Variants in BCL2 observed in about 807,000 individuals in gnomAD.
BCL2 encodes apoptosis regulator Bcl-2.
Under a neutral mutation model 14.2 loss-of-function variants are expected in BCL2, and 1 was observed. The ratio of observed to expected loss-of-function variants is 0.07; its 90% CI spans 0.02 to 0.33. BCL2 has a LOEUF of 0.33. BCL2 is among the 10% of genes least tolerant of loss of function. The pLI, the probability that BCL2 is intolerant of heterozygous loss-of-function variation, is 0.99. For synonymous variants in BCL2, 151 were observed against 137.2 expected (o/e 1.10, Z -0.70); for missense variants, 247 against 305.9 (o/e 0.81, Z 1.44).
At chr18:63,308,502 A>T (rs562888463) in intron 2 of BCL2, among the ~76,000 whole-genome samples, 1 of 152,342 alleles carries the variant, frequency 6.6e-6, no homozygotes, top group East Asian at 1.9e-4. Flanking sequence ...AGGCATATGT[A>T]CATACACTGT....
At chr18:63,186,564 A>G (rs1456059139) in intron 2 of BCL2, among the ~76,000 whole-genome samples, 2 of 152,228 alleles carry the variant, frequency 1.3e-5, no homozygotes, top group African/African-American at 4.8e-5. Context: ...TTGAACCAGA[A>G]TAGGTCTGTG....
chr18:63,242,320 A>G (rs980980809), intron 2 of BCL2, among the ~76,000 whole-genome samples: 4 of 152,226 alleles, frequency 2.6e-5, no homozygotes, highest in East Asian at 1.9e-4. Context: ...TCTGACTTCA[A>G]TGTCACTTGA....
intron 2 of BCL2, among the ~76,000 whole-genome samples, chr18:63,192,510 C>T (rs1338703883): frequency 6.6e-6 from 1 of 152,172 alleles, no homozygotes; most frequent in African/African-American, 2.4e-5. Flanking sequence ...ATGGCCCATA[C>T]ATCTTTTCCA....
rs968942627 is a variant in BCL2 at position 63,127,032 on chromosome 18, TG to T, written c.*1592del. On this transcript the variant is annotated 3_prime_UTR_variant, in exon 3 of 3. Coordinates refer to ENST00000333681, the MANE Select transcript of BCL2 (RefSeq NM_000633.3). The stretch of plus-strand genomic sequence containing the variant: ...TTACTTCTTTATAGTTCCCCACCAT[TG>T]ATTTTTTTTTTAATGCCCCAGGATG... The T allele has an allele frequency of 4.5e-6, 1 of 220,958 alleles. No individual in the cohort carries two copies. Among genetic ancestry groups the T allele is most frequent in the African/African-American group, 2.5e-5 (1 of 39,578 alleles). The allele number at this position is 220,958 out of a possible 1,614,324, so 13.7% of individuals were successfully genotyped here.
In BCL2 at chr18:63,318,770, T is replaced by C; in HGVS notation, c.-104A>G. 6.5e-7 allele frequency: 1 copy of C among 1,529,906 alleles called. No homozygotes were observed. Among genetic ancestry groups the C allele is most frequent in the Non-Finnish European group, 8.8e-7 (1 of 1,141,370 alleles). 94.8% of individuals were successfully genotyped at this position (1,529,906 alleles called of 1,614,324 possible). A position where few individuals can be genotyped will look rare whatever the true frequency, so the allele number is the denominator to read the frequency against. ...AGGAGTTATAATCCAGCTATTTTATTGGATGTGCTTTGCATTCTTGGACGA... is the reference window on the plus strand; with the variant it reads ...AGGAGTTATAATCCAGCTATTTTATCGGATGTGCTTTGCATTCTTGGACGA... On this transcript the variant is annotated 5_prime_UTR_variant, in exon 2 of 3. Transcript: ENST00000333681. The surrounding 1 kb of genome is among the most constrained non-coding windows in gnomAD (Gnocchi z 7.4).
chr18:63,199,234 C>A (rs1284337873), intron 2 of BCL2, among the ~76,000 whole-genome samples: 1 of 148,946 alleles, frequency 6.7e-6, no homozygotes, highest in Non-Finnish European at 1.5e-5. Context: ...CTACACAACA[C>A]ATGCACACAG....
chr18:63,168,998 T>C (rs111260383), intron 2 of BCL2, among the ~76,000 whole-genome samples: 3,683 of 152,342 alleles, frequency 0.024, 71 homozygotes, highest in Non-Finnish European at 0.037. Context: ...AGCTGCTTAT[T>C]GGCCTAACAG....
chr18:63,137,557 C>T (rs1450889283), intron 2 of BCL2, among the ~76,000 whole-genome samples: 1 of 151,542 alleles, frequency 6.6e-6, no homozygotes. Context: ...AAATTCAGTG[C>T]TTTTTTTTTC....
In BCL2 at chr18:63,318,460, G is replaced by A. The variant is rs1913576372; in HGVS notation, c.207C>T (p.Thr69=). The A allele has an allele frequency of 1.4e-6, 2 of 1,471,552 alleles. No individual in the cohort carries two copies. The highest frequency in any genetic ancestry group is 2.9e-5 in the African/African-American group (2 of 68,162). 91.2% of individuals were successfully genotyped at this position (1,471,552 alleles called of 1,614,324 possible). Residue 69 remains threonine, a synonymous_variant, in exon 2 of 3, where the codon ACC becomes ACT. Transcript: ENST00000333681. This position sits in a 1 kb window ranked among gnomAD's most constrained non-coding sequence, Gnocchi z 7.4. ...PAASRDPVAR[T]SPLQTPAAPG... ...GGGCAGCCGGGGTCTGCAGCGGCGA[G>A]GTCCTGGCGACCGGGTCCCGGGATG...
chr18:63,223,158 T>G (rs1208849892), intron 2 of BCL2, among the ~76,000 whole-genome samples: 1 of 152,112 alleles, frequency 6.6e-6, no homozygotes, highest in Non-Finnish European at 1.5e-5. Context: ...TCCCAGCACT[T>G]TGGGAGGCCA....
At chr18:63,302,781 T>C in intron 2 of BCL2, 2 of 985,438 alleles carry the variant, frequency 2.0e-6, no homozygotes, top group Non-Finnish European at 2.4e-6. Flanking sequence ...TTTAAGTTTC[T>C]TTTAAGAAAG....
At chr18:63,284,612 A>C (rs2144259381) in intron 2 of BCL2, among the ~76,000 whole-genome samples, 1 of 152,342 alleles carries the variant, frequency 6.6e-6, no homozygotes, top group East Asian at 1.9e-4. Context: ...TCGACAGGGT[A>C]CTTTAAACAA....
intron 2 of BCL2, among the ~76,000 whole-genome samples, chr18:63,232,005 G>A (rs1210292225): frequency 2.0e-5 from 3 of 151,978 alleles, no homozygotes; most frequent in Non-Finnish European, 4.4e-5. Flanking sequence ...ACGCAATAGA[G>A]AGAGCCCCAC....
chr18:63,188,103 T>G (rs1189431256), intron 2 of BCL2, among the ~76,000 whole-genome samples: 1 of 152,190 alleles, frequency 6.6e-6, no homozygotes. Flanking sequence ...ATAACAATGG[T>G]GAGTGGAAAA....
intron 2 of BCL2, among the ~76,000 whole-genome samples, chr18:63,282,646 C>T (rs1272062488): frequency 4.6e-5 from 7 of 152,110 alleles, no homozygotes; most frequent in Non-Finnish European, 8.8e-5. Flanking sequence ...ACCAAAAAGT[C>T]ATCAACACGA....
rs181098729 is a variant in BCL2, at chr18:63,278,417, T to C, written c.585+39665A>G. Among the ~76,000 whole-genome samples, 586 of 152,346 alleles carry C rather than the reference T, an allele frequency of 3.8e-3. 4 individuals carry two copies. Among genetic ancestry groups the C allele is most frequent in the African/African-American group, 0.014 (569 of 41,580 alleles). On this transcript the variant is annotated intron_variant, in intron 2 of 2. Transcript: ENST00000333681. ...TGACCTTGGGCTTCCTTTTCTGTCT[T>C]ATAGAATCCAGTTTAAGCAAGAATC...
intron 2 of BCL2, among the ~76,000 whole-genome samples, chr18:63,183,627 G>A (rs895549384): frequency 6.6e-6 from 1 of 152,186 alleles, no homozygotes; most frequent in Non-Finnish European, 1.5e-5. Flanking sequence ...TGAAAAAGGC[G>A]ACTGAAGACA....
intron 2 of BCL2, among the ~76,000 whole-genome samples, chr18:63,219,607 A>G (rs958260587): frequency 1.5e-4 from 23 of 152,084 alleles, no homozygotes; most frequent in Admixed American, 1.2e-3. Context: ...AAGCGTAAGC[A>G]GAAATGAAGT....
chr18:63,210,220 G>A (rs1909962323), intron 2 of BCL2, among the ~76,000 whole-genome samples: 1 of 152,144 alleles, frequency 6.6e-6, no homozygotes, highest in Admixed American at 6.5e-5. Flanking sequence ...GAAGTGTCTG[G>A]ACTGTTCAGG....
Sources: gnomAD v4.1 joint callset for allele counts (sites outside exome capture counted in the v4.1 genomes callset) on GRCh38, gnomAD v4.1.1 for gene constraint, Gnocchi (gnomAD v3.1) non-coding constraint, MANE v1.5 for transcripts, NCBI Gene and HGNC (gene_info 2026-07-23, HGNC 2026-07-21) for gene names.